RGS17: variants seen among roughly 807,000 people sequenced by gnomAD.
RGS17 encodes regulator of G protein signaling 17, also known as regulator of G-protein signaling 17.
A neutral mutation model predicts 25.5 loss-of-function variants in RGS17; 12 were observed. The ratio of observed to expected loss-of-function variants is 0.47; its 90% CI spans 0.30 to 0.76. The LOEUF (loss-of-function observed/expected upper bound fraction) is 0.76, where lower values mean the gene tolerates loss of function less well. Ranked by LOEUF, RGS17 falls within the 30% of genes least tolerant of loss-of-function variation. The probability of loss-of-function intolerance (pLI) is 0.07; values close to 1 mark genes in which losing one functional copy is unlikely to be tolerated. For synonymous variants in RGS17, 71 were observed against 76.9 expected (o/e 0.92, Z 0.40); for missense variants, 196 against 242.2 (o/e 0.81, Z 1.27).
At chr6:153,103,655 A>T (rs1207085253) in intron 1 of RGS17, among the ~76,000 whole-genome samples, 1 of 152,256 alleles carries the variant, frequency 6.6e-6, no homozygotes, top group Non-Finnish European at 1.5e-5. Context: ...CCTATTCTTG[A>T]GAAGAAATAA....
intron 1 of RGS17, among the ~76,000 whole-genome samples, chr6:153,119,993 C>T (rs1029110531): frequency 6.6e-6 from 1 of 152,178 alleles, no homozygotes; most frequent in Non-Finnish European, 1.5e-5. Context: ...GTACAAATTC[C>T]TCCAACCATG....
intron 2 of RGS17, among the ~76,000 whole-genome samples, chr6:153,030,440 T>C (rs1171571918): frequency 1.3e-5 from 2 of 152,144 alleles, no homozygotes; most frequent in African/African-American, 2.4e-5. Context: ...GGAAAGCACA[T>C]ATATTTACAG....
At chr6:153,118,321 A>G (rs547544763) in intron 1 of RGS17, among the ~76,000 whole-genome samples, 1 of 152,306 alleles carries the variant, frequency 6.6e-6, no homozygotes, top group East Asian at 1.9e-4. Flanking sequence ...TCAAGGCCTT[A>G]AAGAAACAGC....
intron 1 of RGS17, among the ~76,000 whole-genome samples, chr6:153,050,991 T>C (rs1776454818): frequency 6.6e-6 from 1 of 152,208 alleles, no homozygotes; most frequent in South Asian, 2.1e-4. Context: ...TTGGTTCTTC[T>C]TCTCTCCATG....
chr6:153,047,283 C>T (rs533648167), intron 1 of RGS17, among the ~76,000 whole-genome samples: 2 of 152,270 alleles, frequency 1.3e-5, no homozygotes, highest in African/African-American at 4.8e-5. Context: ...GGATGCTGAA[C>T]TTAATGACCT....
chr6:153,015,340 T>C (rs993696251), intron 4 of RGS17, among the ~76,000 whole-genome samples: 11 of 152,186 alleles, frequency 7.2e-5, no homozygotes, highest in African/African-American at 2.7e-4. Flanking sequence ...CCAAACAGCA[T>C]TACATGCTAT....
intron 4 of RGS17, among the ~76,000 whole-genome samples, chr6:153,016,618 A>C (rs895371019): frequency 7.0e-4 from 107 of 152,332 alleles, no homozygotes; most frequent in African/African-American, 2.5e-3. Context: ...CAGTAGTGAA[A>C]TATTGTAAAG....
chr6:153,063,287 G>C (rs774995899), intron 1 of RGS17, among the ~76,000 whole-genome samples: 1 of 152,150 alleles, frequency 6.6e-6, no homozygotes, highest in African/African-American at 2.4e-5. Flanking sequence ...CTTTCGGACA[G>C]AGAATTCAAA....
intron 1 of RGS17, among the ~76,000 whole-genome samples, chr6:153,092,811 G>A (rs1777151916): frequency 6.6e-6 from 1 of 152,122 alleles, no homozygotes; most frequent in Non-Finnish European, 1.5e-5. Flanking sequence ...CATCCTTTTA[G>A]TCCAGCTACC....
intron 1 of RGS17, among the ~76,000 whole-genome samples, chr6:153,125,737 C>T (rs1470499557): frequency 6.6e-6 from 1 of 152,156 alleles, no homozygotes; most frequent in Non-Finnish European, 1.5e-5. Context: ...CCTGTAGTCC[C>T]AGCTCCTGAG....
At chr6:153,025,288 G>C (rs931946645) in intron 3 of RGS17, among the ~76,000 whole-genome samples, 7 of 151,612 alleles carry the variant, frequency 4.6e-5, no homozygotes, top group African/African-American at 1.5e-4. Context: ...CTCCTGGCTA[G>C]GCAACAAAAT....
chr6:153,068,291 C>A (rs1316164856), intron 1 of RGS17, among the ~76,000 whole-genome samples: 2 of 151,658 alleles, frequency 1.3e-5, no homozygotes, highest in Admixed American at 6.6e-5. Flanking sequence ...ACTAAAAATA[C>A]AAAAAACTAG....
chr6:153,071,739 T>C (rs989533334), intron 1 of RGS17, among the ~76,000 whole-genome samples: 4 of 152,150 alleles, frequency 2.6e-5, no homozygotes, highest in Admixed American at 6.6e-5. Flanking sequence ...AGATTACATA[T>C]TGAGTAGCCA....
chr6:153,015,217 T>C (rs1317799714), intron 4 of RGS17, among the ~76,000 whole-genome samples: 3 of 152,204 alleles, frequency 2.0e-5, no homozygotes, highest in East Asian at 1.9e-4. Flanking sequence ...GTGAACATTG[T>C]TGAAATGACA....
At chr6:153,113,667 C>T (rs1479864375) in intron 1 of RGS17, among the ~76,000 whole-genome samples, 1 of 152,042 alleles carries the variant, frequency 6.6e-6, no homozygotes, top group Admixed American at 6.6e-5. Flanking sequence ...TAAAATTGAC[C>T]ACATAATTGG....
intron 1 of RGS17, among the ~76,000 whole-genome samples, chr6:153,094,334 C>T (rs1216350991): frequency 6.6e-6 from 1 of 152,118 alleles, no homozygotes; most frequent in Non-Finnish European, 1.5e-5. Context: ...TCGCTTCAGC[C>T]TCCCGAAGTG....
At chr6:153,025,184 T>C (rs1224133612) in intron 3 of RGS17, among the ~76,000 whole-genome samples, 4 of 151,974 alleles carry the variant, frequency 2.6e-5, no homozygotes, top group Non-Finnish European at 4.4e-5. Context: ...TGTGCTGGCA[T>C]GTGCCTGTAG....
intron 4 of RGS17, among the ~76,000 whole-genome samples, chr6:153,019,498 G>A (rs1354254682): frequency 6.6e-6 from 1 of 152,138 alleles, no homozygotes; most frequent in Non-Finnish European, 1.5e-5. Context: ...CCCCAGTGTT[G>A]GAGATGGGGT....
At chr6:153,037,430 C>CTT (rs532609053) in intron 2 of RGS17, among the ~76,000 whole-genome samples, 50 of 142,728 alleles carry the variant, frequency 3.5e-4, no homozygotes, top group African/African-American at 5.1e-4. Flanking sequence ...GCATTTTTTA[C>CTT]TTTTTTTTTT....
Sources: allele counts gnomAD v4.1 joint callset (sites outside exome capture counted in the v4.1 genomes callset), GRCh38; gene constraint gnomAD v4.1.1; transcripts MANE v1.5; gene names NCBI Gene and HGNC (gene_info 2026-07-23, HGNC 2026-07-21).